PRRC2A: variants seen among roughly 807,000 people sequenced by gnomAD.
PRRC2A encodes protein PRRC2A.
A neutral mutation model predicts 224.6 loss-of-function variants in PRRC2A; 59 were observed. The observed-to-expected ratio is 0.26, with a 90% CI of 0.21 to 0.33. The LOEUF is 0.33. Among genes scored for constraint, PRRC2A ranks in the 10% least tolerant of loss-of-function variants. PRRC2A has a pLI of 1.00. For synonymous variants in PRRC2A, 1,194 were observed against 1,109.5 expected, an observed-to-expected ratio of 1.08 and a Z score of -1.51; for missense variants, 3,095 against 2,880.7, an observed-to-expected ratio of 1.07 and a Z score of -1.70.
chr6:31,633,064 A>C, intron 16 of PRRC2A, 72 bp downstream of exon 16: 1 of 1,439,166 alleles, frequency 6.9e-7, no homozygotes, highest in Non-Finnish European at 9.1e-7. Context: ...GGGAAAGATA[A>C]GTTTGGGTGG....
At chr6:31,633,265 C>T in intron 16 of PRRC2A, 114 bp from the exon 17 acceptor site, 1 of 1,458,646 alleles carries the variant, frequency 6.9e-7, no homozygotes, top group African/African-American at 1.4e-5. Context: ...GACTCAAAAA[C>T]ACCTGGACTT....
rs1424146110 is a variant in PRRC2A, at chr6:31,625,756, G to A, written c.760-36G>A. On this transcript the variant is annotated intron_variant, in intron 7 of 30. Coordinates refer to ENST00000376033, the MANE Select transcript of PRRC2A (RefSeq NM_004638.4). This position sits in a 1 kb window ranked among gnomAD's most constrained non-coding sequence, Gnocchi z 4.1. Reference sequence around the variant, plus strand: ...TAAGGAGCTAGAAGGGTATATGACTGTCCCTCTGAGCAGCTACTGTTGGAC... The same window carrying A: ...TAAGGAGCTAGAAGGGTATATGACTATCCCTCTGAGCAGCTACTGTTGGAC... 6.4e-7 allele frequency: 1 copy of A among 1,554,948 alleles called. No individual in the cohort carries two copies. The highest frequency in any genetic ancestry group is 8.9e-7 in the Non-Finnish European group (1 of 1,126,310).
chr6:31,631,665 C>T lies in PRRC2A; in HGVS notation c.2992C>T (p.Pro998Ser), dbSNP rs780699754. ...KGKLGGPKET[P>S]PNGNLSPAPR... The stretch of plus-strand genomic sequence containing the variant: ...GAAGCTAGGGGGCCCCAAGGAGACC[C>T]CACCCAATGGAAATCTTTCCCCTGC... The change falls in exon 16 of 31, where the codon CCA (proline) becomes TCA (serine). Residue 998 changes from proline (P) to serine (S), a missense_variant. By Grantham distance (74) the Pro-to-Ser change is moderately conservative (BLOSUM62 -1). Around this residue, in one of 8 missense-constraint regions of PRRC2A, gnomAD observed 2,001 missense variants for 1,764.9 expected, o/e 1.13. Transcript: ENST00000376033. This position sits in a 1 kb window ranked among gnomAD's most constrained non-coding sequence, Gnocchi z 4.5. 6 of 1,515,010 alleles carry T rather than the reference C, an allele frequency of 4.0e-6. No individual in the cohort carries two copies. The highest frequency in any genetic ancestry group is 2.7e-5 in the South Asian group (2 of 74,814). The allele number at this position is 1,515,010 out of a possible 1,614,324, so 93.8% of individuals were successfully genotyped here. A position where few individuals can be genotyped will look rare whatever the true frequency, so the allele number is the denominator to read the frequency against.
At chr6:31,635,790 A>G (rs965141282) in intron 24 of PRRC2A, 41 bp downstream of exon 24, 3 of 1,540,262 alleles carry the variant, frequency 1.9e-6, no homozygotes, top group Admixed American at 2.1e-5. Context: ...TCAGTGAATA[A>G]TAATTTTTTT....
In PRRC2A at chr6:31,624,482, C is replaced by G. The variant is rs41273256; in HGVS notation, c.423C>G (p.Ser141=). ...CTTTGGTTCCAAGCGGGGTAAAGTC[C>G]TGGGCACAAGCCAGCGTCACCCATG... ...NTPLVPSGVK[S]WAQASVTHGA... The change falls in exon 5 of 31, where the codon TCC becomes TCG. Residue 141 remains serine, a synonymous_variant. Coordinates refer to ENST00000376033, the MANE Select transcript of PRRC2A (RefSeq NM_004638.4). 1 of 1,613,974 alleles carries G rather than the reference C, an allele frequency of 6.2e-7. No homozygotes were observed. The highest frequency in any genetic ancestry group is 8.5e-7 in the Non-Finnish European group (1 of 1,179,828).
Position 31,624,486 on chromosome 6 carries a change from G to T in PRRC2A, c.427G>T (p.Ala143Ser). ...PLVPSGVKSW[A>S]QASVTHGAHG... The stretch of plus-strand genomic sequence containing the variant: ...GGTTCCAAGCGGGGTAAAGTCCTGG[G>T]CACAAGCCAGCGTCACCCATGGAGC... The change falls in exon 5 of 31, where the codon GCA becomes TCA. Residue 143 changes from alanine to serine, a missense_variant. By Grantham distance (99) the Ala-to-Ser change is moderately conservative. This residue lies in a region of PRRC2A where 287 missense variants were observed against 275.3 expected (regional missense o/e 1.04). Coordinates refer to ENST00000376033, the MANE Select transcript of PRRC2A (RefSeq NM_004638.4). The T allele has an allele frequency of 6.2e-7, 1 of 1,613,944 alleles. No homozygotes were observed. Among genetic ancestry groups the T allele is most frequent in the East Asian group, 2.2e-5 (1 of 44,884 alleles).
chr6:31,626,045 C>G lies in PRRC2A; in HGVS notation c.865C>G (p.Arg289Gly), dbSNP rs1554123796. The change falls in exon 9 of 31, where the codon CGA (arginine) becomes GGA (glycine). Residue 289 changes from arginine to glycine, a missense_variant. Transcript: ENST00000376033. ...CCGTTTTCCCCGTGTGGCGGGCCCC[C>G]GAGGCTCAGGGCCACCAATGCGCTT... ...PSRFPRVAGP[R>G]GSGPPMRLVE... 2 of 1,610,912 alleles carry G rather than the reference C, an allele frequency of 1.2e-6. No homozygotes were observed. The highest frequency in any genetic ancestry group is 1.1e-5 in the South Asian group (1 of 90,722).
intron 5 of PRRC2A, among the ~76,000 whole-genome samples, 196 bp downstream of exon 5, chr6:31,624,718 T>A (rs1775698477): frequency 6.6e-6 from 1 of 152,148 alleles, no homozygotes; most frequent in Non-Finnish European, 1.5e-5. Context: ...AGAACTGACC[T>A]CCTTGGGGAA....
At chr6:31,633,749 G>A (rs1327677681) in intron 17 of PRRC2A, 102 bp downstream of exon 17, 4 of 1,528,500 alleles carry the variant, frequency 2.6e-6, no homozygotes, top group Admixed American at 2.2e-5. Flanking sequence ...CTGCTGCTGG[G>A]TGCGTTTCTG....
rs564459471 is a variant in PRRC2A, at chr6:31,636,259, T to C, written c.5675T>C (p.Leu1892Pro). The C allele has an allele frequency of 2.0e-5, 33 of 1,612,894 alleles. No homozygotes were observed. Among genetic ancestry groups the C allele is most frequent in the Admixed American group, 2.0e-4 (12 of 60,018 alleles). ...PPGPAPPSAL[L>P]SGLALKGQFL... is the part of the protein sequence containing the mutation. ...GGCCCAGCCCCTCCCTCAGCACTGC[T>C]CTCTGGGTTAGCTCTCAAGGGCCAG... is the stretch of plus-strand genomic sequence containing the variant. Residue 1892 changes from leucine (L) to proline (P), a missense_variant, in exon 26 of 31, where the codon CTC becomes CCC. Coordinates refer to ENST00000376033, the MANE Select transcript of PRRC2A (RefSeq NM_004638.4). This position sits in a 1 kb window ranked among gnomAD's most constrained non-coding sequence, Gnocchi z 4.3.
intron 14 of PRRC2A, 55 bp from the exon 15 acceptor site, chr6:31,630,536 C>A: frequency 6.3e-7 from 1 of 1,587,462 alleles, no homozygotes. Context: ...GCTTTTTGGG[C>A]TGGAGGGCTT....
chr6:31,636,532 C>T lies in PRRC2A; in HGVS notation c.5858C>T (p.Pro1953Leu), dbSNP rs775723114. The change falls in exon 27 of 31, where the codon CCT (proline) becomes CTT (leucine). Residue 1953 changes from proline (P) to leucine (L), a missense_variant. By Grantham distance (98) the Pro-to-Leu change is moderately conservative (BLOSUM62 -3). This residue lies in a region of PRRC2A where 662 missense variants were observed against 609.5 expected (regional missense o/e 1.09). Transcript: ENST00000376033. The surrounding 1 kb of genome is among the most constrained non-coding windows in gnomAD (Gnocchi z 4.3). Reference sequence around the variant, plus strand: ...CAGGTACGCCAGGATCTGCCATCCCCTTCGGATTTTTATTCTACTCCTCTG... The same window carrying T: ...CAGGTACGCCAGGATCTGCCATCCCTTTCGGATTTTTATTCTACTCCTCTG... Reference protein sequence around the residue: ...LLQVRQDLPSPSDFYSTPLQP... With the variant: ...LLQVRQDLPSLSDFYSTPLQP... 159 of 1,609,348 alleles carry T rather than the reference C, an allele frequency of 9.9e-5. 1 individual carries two copies. In the South Asian group the frequency reaches 1.7e-3, roughly 17 times the overall value.
intron 9 of PRRC2A, 150 bp from the exon 10 acceptor site, chr6:31,626,622 G>C: frequency 1.5e-6 from 1 of 683,670 alleles, no homozygotes; most frequent in Non-Finnish European, 2.5e-6. Flanking sequence ...GTGGTGAGAG[G>C]AGTAAGAATG....
intron 2 of PRRC2A, among the ~76,000 whole-genome samples, 164 bp from the exon 3 acceptor site, chr6:31,623,568 C>T (rs1012409336): frequency 1.3e-5 from 2 of 152,000 alleles, no homozygotes; most frequent in Non-Finnish European, 2.9e-5. Flanking sequence ...ACAATCAGCG[C>T]GATTTCAGAG....
rs1330998525 is a variant in PRRC2A at position 31,637,559 on chromosome 6, G to A, written c.6447G>A (p.Lys2149=). 1.9e-5 allele frequency: 30 copies of A among 1,591,066 alleles called. No homozygotes were observed. Among genetic ancestry groups the A allele is most frequent in the Non-Finnish European group, 2.5e-5 (29 of 1,169,746 alleles). The change falls in exon 31 of 31, where the codon AAG becomes AAA. Residue 2149 remains lysine (K), a synonymous_variant. Coordinates refer to ENST00000376033, the MANE Select transcript of PRRC2A (RefSeq NM_004638.4). ...RAEEPGSRGD[K]EPGLPPPR The stretch of plus-strand genomic sequence containing the variant: ...AGGAGCCTGGGTCCCGAGGGGACAA[G>A]GAGCCTGGGTTGCCCCCACCCCGCT...
chr6:31,627,308 T>C lies in PRRC2A; in HGVS notation c.1290+110T>C. On this transcript the variant is annotated intron_variant, in intron 11 of 30. Coordinates refer to ENST00000376033, the MANE Select transcript of PRRC2A (RefSeq NM_004638.4). The surrounding 1 kb of genome is among the most constrained non-coding windows in gnomAD (Gnocchi z 5.6). ...GAAGGGGGGTGCTAAAAATGGGCTGTGTGAAGTGCCAGGCTGCAGAACATC... is the reference window on the plus strand; with the variant it reads ...GAAGGGGGGTGCTAAAAATGGGCTGCGTGAAGTGCCAGGCTGCAGAACATC... The C allele has an allele frequency of 2.6e-6, 2 of 776,286 alleles. No individual in the cohort carries two copies. Among genetic ancestry groups the C allele is most frequent in the Non-Finnish European group, 4.1e-6 (2 of 483,368 alleles). The allele number at this position is 776,286 out of a possible 1,614,324, so 48.1% of individuals were successfully genotyped here.
intron 15 of PRRC2A, 21 bp downstream of exon 15, chr6:31,630,822 A>G (rs1461694899): frequency 2.5e-6 from 4 of 1,611,862 alleles, no homozygotes; most frequent in Admixed American, 1.7e-5. Flanking sequence ...GTCATGAGAA[A>G]TGGGTGAGTT....
At position 31,631,817 on chromosome 6, in the gene PRRC2A, A is replaced by G. The variant is rs10947220; in HGVS notation, c.3144A>G (p.Gly1048=). 0.026 allele frequency: 40,852 copies of G among 1,591,830 alleles called. 1,116 individuals are homozygous for G. The highest frequency in any genetic ancestry group is 0.089 in the African/African-American group (6,634 of 74,384). ...FRGTYGGRGR[G]ARSREFRSYR... ...GGACCTATGGGGGACGAGGGCGGGG[A>G]GCCCGAAGCCGGGAATTCCGCAGTT... Residue 1048 remains glycine, a synonymous_variant, in exon 16 of 31, where the codon GGA becomes GGG. Transcript: ENST00000376033. This position sits in a 1 kb window ranked among gnomAD's most constrained non-coding sequence, Gnocchi z 4.5.
At chr6:31,630,388 A>G (rs953633479) in intron 14 of PRRC2A, among the ~76,000 whole-genome samples, 1 of 152,146 alleles carries the variant, frequency 6.6e-6, no homozygotes, top group Non-Finnish European at 1.5e-5. Context: ...GTGGTCCTTC[A>G]TTTGCCAGGA....
Sources: allele counts gnomAD v4.1 joint callset (sites outside exome capture counted in the v4.1 genomes callset), GRCh38; gene constraint gnomAD v4.1.1; regional missense constraint gnomAD v4.1.1; non-coding constraint Gnocchi (gnomAD v3.1); transcripts MANE v1.5; gene names NCBI Gene and HGNC (gene_info 2026-07-23, HGNC 2026-07-21).